RNF150: variants seen among roughly 807,000 people sequenced by gnomAD.
The protein encoded by RNF150 is ring finger protein 150.
RNF150 carries 24 observed loss-of-function variants against 39.3 expected under a neutral mutation model. The ratio of observed to expected loss-of-function variants is 0.61; its 90% confidence interval spans 0.44 to 0.86. RNF150 has a LOEUF of 0.86. Among genes scored for constraint, RNF150 ranks in the 40% least tolerant of loss-of-function variants. The pLI is 0.00. For missense variants in RNF150, 502 were observed against 587.8 expected, an observed-to-expected ratio of 0.85 and a Z score of 1.51; for synonymous variants, 255 against 227.3, an observed-to-expected ratio of 1.12 and a Z score of -1.10.
At chr4:140,955,042 T>A (rs907858704) in intron 2 of RNF150, among the ~76,000 whole-genome samples, 3 of 152,212 alleles carry the variant, frequency 2.0e-5, no homozygotes, top group Non-Finnish European at 2.9e-5. Context: ...GGGAGGCCAC[T>A]GTCAAAGTAA....
intron 1 of RNF150, among the ~76,000 whole-genome samples, chr4:141,112,379 A>G (rs554499597): frequency 6.6e-6 from 1 of 152,098 alleles, no homozygotes; most frequent in South Asian, 2.1e-4. Context: ...TTTCCTTTCC[A>G]TATTTAGTGC....
At chr4:140,984,706 C>T (rs1733967331) in intron 1 of RNF150, among the ~76,000 whole-genome samples, 1 of 152,124 alleles carries the variant, frequency 6.6e-6, no homozygotes, top group Non-Finnish European at 1.5e-5. Context: ...GGACCACTGA[C>T]TATCACTCTC....
intron 4 of RNF150, among the ~76,000 whole-genome samples, chr4:140,938,894 C>T (rs542420920): frequency 6.6e-6 from 1 of 152,264 alleles, no homozygotes; most frequent in Non-Finnish European, 1.5e-5. Context: ...ATACATCAGT[C>T]ACATTAACTG....
intron 1 of RNF150, among the ~76,000 whole-genome samples, chr4:140,995,810 TC>T (rs1474870175): frequency 6.6e-6 from 1 of 152,196 alleles, no homozygotes; most frequent in Middle Eastern, 3.2e-3. Context: ...CAGGATATCA[TC>T]TTTTTTTATG....
At chr4:140,881,493 A>C (rs1473574679) in intron 6 of RNF150, among the ~76,000 whole-genome samples, 1 of 152,024 alleles carries the variant, frequency 6.6e-6, no homozygotes, top group Admixed American at 6.6e-5. Context: ...GCCTCCCATA[A>C]GTCTTGGTAC....
chr4:141,008,501 C>G (rs1419884235), intron 1 of RNF150, among the ~76,000 whole-genome samples: 2 of 152,120 alleles, frequency 1.3e-5, no homozygotes, highest in Non-Finnish European at 1.5e-5. Flanking sequence ...CCTAAGGTTA[C>G]AAAATATACA....
intron 1 of RNF150, among the ~76,000 whole-genome samples, chr4:141,172,153 T>C (rs749732789): frequency 4.6e-5 from 7 of 152,184 alleles, no homozygotes; most frequent in Admixed American, 2.0e-4. Context: ...TTCTCTGCTT[T>C]AGACTGTGGG....
intron 1 of RNF150, among the ~76,000 whole-genome samples, chr4:141,115,828 A>G (rs1690047807): frequency 6.6e-6 from 1 of 152,184 alleles, no homozygotes; most frequent in South Asian, 2.1e-4. Context: ...AGGCCTCAGA[A>G]ATAATACCAC....
At chr4:141,148,740 G>A (rs988949788) in intron 1 of RNF150, among the ~76,000 whole-genome samples, 7 of 152,178 alleles carry the variant, frequency 4.6e-5, no homozygotes, top group Middle Eastern at 3.4e-3. Context: ...CACGCCCAGC[G>A]CTTTTCACTC....
chr4:140,874,255 T>C (rs1252176921), intron 6 of RNF150, among the ~76,000 whole-genome samples: 1 of 152,164 alleles, frequency 6.6e-6, no homozygotes, highest in African/African-American at 2.4e-5. Flanking sequence ...TGATTGTCGA[T>C]AACAGTGGGC....
chr4:140,919,958 TG>T (rs1476842475), intron 5 of RNF150, among the ~76,000 whole-genome samples: 7 of 152,154 alleles, frequency 4.6e-5, no homozygotes, highest in African/African-American at 1.4e-4. Flanking sequence ...ATTTAATAAA[TG>T]GTGCTGGGAA....
At chr4:140,973,976 T>C (rs1484160167) in intron 1 of RNF150, among the ~76,000 whole-genome samples, 2 of 151,816 alleles carry the variant, frequency 1.3e-5, no homozygotes, top group Non-Finnish European at 2.9e-5. Context: ...TATATAATTA[T>C]AGTGCATTAT....
intron 6 of RNF150, among the ~76,000 whole-genome samples, chr4:140,887,960 A>G (rs1729637491): frequency 6.6e-6 from 1 of 152,222 alleles, no homozygotes; most frequent in Non-Finnish European, 1.5e-5. Context: ...AGCTCTTATT[A>G]TGCTGGCATC....
At chr4:141,116,407 C>G (rs1001345321) in intron 1 of RNF150, among the ~76,000 whole-genome samples, 1 of 152,188 alleles carries the variant, frequency 6.6e-6, no homozygotes, top group Non-Finnish European at 1.5e-5. Flanking sequence ...CATCACTGGT[C>G]ATTAGAGGAA....
Position 140,900,707 on chromosome 4 carries a change from A to G in RNF150, c.1198+10437T>C, listed in dbSNP as rs145244591. On this transcript the variant is annotated intron_variant, in intron 6 of 6. Coordinates refer to ENST00000515673, the MANE Select transcript of RNF150 (RefSeq NM_020724.2). ...ATATCTAGAAATTTCAATTTCATCA[A>G]TATATACCATGATGTGTCTGACCAA... Among the ~76,000 whole-genome samples the G allele has an allele frequency of 4.7e-3, 718 of 152,240 alleles. 9 individuals are homozygous for G. The highest frequency in any genetic ancestry group is 0.017 in the African/African-American group (695 of 41,538).
intron 1 of RNF150, among the ~76,000 whole-genome samples, chr4:141,046,468 C>T (rs1009392569): frequency 9.9e-5 from 15 of 152,180 alleles, no homozygotes; most frequent in African/African-American, 3.4e-4. Flanking sequence ...GCAGAGTAGA[C>T]TCTGCTCTCA....
chr4:140,894,355 G>A (rs542115446), intron 6 of RNF150, among the ~76,000 whole-genome samples: 1 of 152,306 alleles, frequency 6.6e-6, no homozygotes, highest in African/African-American at 2.4e-5. Context: ...AGTGTTTTAT[G>A]ATGTTTTCTC....
intron 1 of RNF150, among the ~76,000 whole-genome samples, chr4:141,009,079 A>G (rs1412225436): frequency 6.6e-6 from 1 of 152,232 alleles, no homozygotes; most frequent in Non-Finnish European, 1.5e-5. Flanking sequence ...AGTGGCTGGA[A>G]ATTTATAAAA....
In RNF150 at chr4:140,866,987, C is replaced by A. The variant is rs1242277316; in HGVS notation, c.*1274G>T. On this transcript the variant is annotated 3_prime_UTR_variant, in exon 7 of 7. Transcript: ENST00000515673. ...ACTTGATACCTCTTTTCCTTTCCCT[C>A]TTACTTTGTCTATTTCAGTCAGGAT... 3 of 152,188 alleles carry A rather than the reference C, an allele frequency of 2.0e-5. No homozygotes were observed. The highest frequency in any genetic ancestry group is 4.8e-5 in the African/African-American group (2 of 41,452). 9.4% of individuals were successfully genotyped at this position (152,188 alleles called of 1,614,324 possible). A position where few individuals can be genotyped will look rare whatever the true frequency, so the allele number is the denominator to read the frequency against.
Sources: gnomAD v4.1 joint callset for allele counts (sites outside exome capture counted in the v4.1 genomes callset) on GRCh38, gnomAD v4.1.1 for gene constraint, MANE v1.5 for transcripts, NCBI Gene and HGNC (gene_info 2026-07-23, HGNC 2026-07-21) for gene names.